The following SCAPER variants were observed in gnomAD, a reference collection of about 807,000 sequenced individuals.
SCAPER encodes the protein S phase cyclin A-associated protein in the endoplasmic reticulum.
SCAPER carries 98 observed loss-of-function variants against 182.2 expected under a neutral mutation model. The ratio of observed to expected loss-of-function variants is 0.54; its 90% CI spans 0.46 to 0.64. The LOEUF (loss-of-function observed/expected upper bound fraction) is 0.64, where lower values mean the gene tolerates loss of function less well. SCAPER is among the 30% of genes least tolerant of loss of function. SCAPER has a pLI of 0.00. For missense variants in SCAPER, 1,432 were observed against 1,690.0 expected (o/e 0.85, Z 2.68); for synonymous variants, 605 against 564.6 (o/e 1.07, Z -1.01).
At chr15:76,841,101 T>A (rs1270268270) in intron 5 of SCAPER, among the ~76,000 whole-genome samples, 1 of 152,172 alleles carries the variant, frequency 6.6e-6, no homozygotes, top group Non-Finnish European at 1.5e-5. Flanking sequence ...AGAAGAATTT[T>A]AAAAATAATG....
chr15:76,662,727 T>C (rs1162775080), intron 21 of SCAPER, among the ~76,000 whole-genome samples: 1 of 152,002 alleles, frequency 6.6e-6, no homozygotes, highest in Non-Finnish European at 1.5e-5. Context: ...AAAAGAAAAA[T>C]CTTTTCAAAA....
At chr15:76,477,991 C>A (rs1040406611) in intron 24 of SCAPER, among the ~76,000 whole-genome samples, 2 of 150,836 alleles carry the variant, frequency 1.3e-5, no homozygotes, top group African/African-American at 4.9e-5. Flanking sequence ...TTATTTGATA[C>A]AATCTGCCAA....
chr15:76,785,408 G>T (rs2064509724), intron 8 of SCAPER, among the ~76,000 whole-genome samples: 1 of 152,160 alleles, frequency 6.6e-6, no homozygotes, highest in Non-Finnish European at 1.5e-5. Context: ...GGAAAAACAG[G>T]AATGCTTTTA....
intron 20 of SCAPER, among the ~76,000 whole-genome samples, chr15:76,699,034 T>A (rs951356634): frequency 2.0e-5 from 3 of 152,222 alleles, no homozygotes; most frequent in African/African-American, 7.2e-5. Flanking sequence ...CTATTTTGAA[T>A]GAGACTGAGT....
chr15:76,729,283 T>C (rs199905462), intron 16 of SCAPER, among the ~76,000 whole-genome samples: 5 of 102,550 alleles, frequency 4.9e-5, no homozygotes, highest in South Asian at 3.2e-4. Context: ...CACACACACA[T>C]ATATATACAC....
intron 22 of SCAPER, among the ~76,000 whole-genome samples, chr15:76,613,853 T>C (rs1211736507): frequency 6.6e-6 from 1 of 152,178 alleles, no homozygotes; most frequent in African/African-American, 2.4e-5. Flanking sequence ...AGTGTGGTGA[T>C]TCCTCAAAGG....
chr15:76,845,407 A>G (rs2069965347), intron 4 of SCAPER, among the ~76,000 whole-genome samples: 1 of 152,064 alleles, frequency 6.6e-6, no homozygotes, highest in African/African-American at 2.4e-5. Context: ...ATAATTGGAA[A>G]GGAAGAAGTC....
intron 26 of SCAPER, among the ~76,000 whole-genome samples, chr15:76,423,383 C>G (rs1256885260): frequency 3.3e-5 from 5 of 152,178 alleles, no homozygotes; most frequent in Admixed American, 6.5e-5. Flanking sequence ...TCCATTTCTT[C>G]TAGATTTTCT....
chr15:76,897,698 A>G (rs1410848847), intron 1 of SCAPER, among the ~76,000 whole-genome samples: 2 of 152,120 alleles, frequency 1.3e-5, no homozygotes, highest in African/African-American at 4.8e-5. Flanking sequence ...CAGAGACTCT[A>G]TCTCGAAAAA....
chr15:76,402,019 C>T (rs868506764), intron 27 of SCAPER, among the ~76,000 whole-genome samples: 10 of 152,198 alleles, frequency 6.6e-5, no homozygotes, highest in South Asian at 2.1e-4. Context: ...CCAAGCTACT[C>T]AGCTGGCTGA....
intron 2 of SCAPER, among the ~76,000 whole-genome samples, chr15:76,873,535 A>G (rs2072932462): frequency 6.6e-6 from 1 of 152,240 alleles, no homozygotes; most frequent in Non-Finnish European, 1.5e-5. Flanking sequence ...AAATGTGCAC[A>G]TATCTAACAC....
rs1253698145 is a variant in SCAPER at position 76,602,238 on chromosome 15, A to G, written c.2711+19526T>C. On this transcript the variant is annotated intron_variant, in intron 22 of 31. Coordinates refer to ENST00000563290, the MANE Select transcript of SCAPER (RefSeq NM_020843.4). The stretch of plus-strand genomic sequence containing the variant: ...TTATTCCTTTTGTTATACAGATCTG[A>G]GTTTCTGATCTGTATCATTTAACTT... 1.6e-5 allele frequency among the ~76,000 whole-genome samples: 2 copies of G among 121,934 alleles called. 1 individual carries two copies. Among genetic ancestry groups the G allele is most frequent in the African/African-American group, 5.0e-5 (2 of 39,926 alleles). The allele number at this position is 121,934 out of a possible 152,430, so 80.0% of individuals were successfully genotyped here. A position where few individuals can be genotyped will look rare whatever the true frequency, so the allele number is the denominator to read the frequency against.
intron 4 of SCAPER, among the ~76,000 whole-genome samples, chr15:76,852,703 A>G (rs906162260): frequency 6.6e-6 from 1 of 152,214 alleles, no homozygotes; most frequent in Admixed American, 6.5e-5. Context: ...GTTAAGAGGG[A>G]AATTCATAGC....
chr15:76,690,523 T>C (rs1209282734), intron 20 of SCAPER, among the ~76,000 whole-genome samples: 1 of 152,190 alleles, frequency 6.6e-6, no homozygotes, highest in African/African-American at 2.4e-5. Flanking sequence ...TATATTAATG[T>C]ACCACTGTTT....
intron 20 of SCAPER, among the ~76,000 whole-genome samples, chr15:76,667,961 TA>T (rs59632770): frequency 2.7e-5 from 4 of 148,190 alleles, no homozygotes; most frequent in African/African-American, 7.5e-5. Flanking sequence ...AGACTGTCTT[TA>T]AAAAAAAAAC....
chr15:76,816,794 A>G (rs2067120652), intron 5 of SCAPER, among the ~76,000 whole-genome samples: 1 of 151,736 alleles, frequency 6.6e-6, no homozygotes, highest in African/African-American at 2.4e-5. Context: ...CTGGGACTAC[A>G]GGCGCCCGCC....
chr15:76,646,719 T>C (rs1339675536), intron 21 of SCAPER, among the ~76,000 whole-genome samples: 1 of 152,200 alleles, frequency 6.6e-6, no homozygotes, highest in East Asian at 1.9e-4. Flanking sequence ...ATCAAAACTT[T>C]CAAGCAACCA....
At chr15:76,494,273 T>C (rs2040279609) in intron 24 of SCAPER, among the ~76,000 whole-genome samples, 1 of 152,230 alleles carries the variant, frequency 6.6e-6, no homozygotes, top group African/African-American at 2.4e-5. Context: ...TATTTCATTT[T>C]TAGACTTCAT....
At chr15:76,767,200 T>G in intron 10 of SCAPER, 112 bp from the exon 11 acceptor site, 1 of 1,042,852 alleles carries the variant, frequency 9.6e-7, no homozygotes, top group Non-Finnish European at 1.4e-6. Context: ...TGTATTGATC[T>G]AGAATCATAA....
Sources: gnomAD v4.1 joint callset for allele counts (sites outside exome capture counted in the v4.1 genomes callset) on GRCh38, gnomAD v4.1.1 for gene constraint, MANE v1.5 for transcripts, NCBI Gene and HGNC (gene_info 2026-07-23, HGNC 2026-07-21) for gene names.